The following FHIT variants were observed in gnomAD, a reference collection of about 807,000 sequenced individuals.
The protein encoded by FHIT is fragile histidine triad diadenosine triphosphatase.
FHIT carries 19 observed loss-of-function variants against 17.9 expected under a neutral mutation model. The ratio of observed to expected loss-of-function variants is 1.06; its 90% CI spans 0.74 to 1.56. The LOEUF is 1.56. Ranked by LOEUF, FHIT falls within the 40% of genes most tolerant of loss-of-function variation. The pLI is 0.00. For missense variants in FHIT, 248 were observed against 189.2 expected (o/e 1.31, Z -1.82); for synonymous variants, 81 against 69.7 (o/e 1.16, Z -0.81).
chr3:59,998,949 C>T (rs535242898), intron 7 of FHIT, among the ~76,000 whole-genome samples: 1 of 152,238 alleles, frequency 6.6e-6, no homozygotes, highest in East Asian at 1.9e-4. Flanking sequence ...ACACAACTTG[C>T]CTCCCTCCGG....
intron 8 of FHIT, among the ~76,000 whole-genome samples, chr3:59,848,442 A>C (rs574186584): frequency 6.6e-6 from 1 of 152,104 alleles, no homozygotes; most frequent in Non-Finnish European, 1.5e-5. Flanking sequence ...AAAAAGATTT[A>C]AAAAAATCAC....
rs374527757 is a variant in FHIT at position 60,926,897 on chromosome 3, C to A, written c.-110-104886G>T. Among the ~76,000 whole-genome samples, 23 of 152,236 alleles carry A rather than the reference C, an allele frequency of 1.5e-4. No individual in the cohort carries two copies. In the South Asian group the frequency reaches 4.2e-3, roughly 27 times the overall value. On this transcript the variant is annotated intron_variant, in intron 3 of 9. Transcript: ENST00000492590. ...TATCACCACTGATCCCACAGAAATA[C>A]AAACTACCATCACAGAATACTAAAA... is the stretch of plus-strand genomic sequence containing the variant.
At chr3:60,860,316 A>G (rs947386910) in intron 3 of FHIT, among the ~76,000 whole-genome samples, 56 of 147,586 alleles carry the variant, frequency 3.8e-4, no homozygotes, top group African/African-American at 1.3e-3. Flanking sequence ...TGTATACATG[A>G]GATACATCAT....
At chr3:60,724,896 G>A (rs782798523) in intron 4 of FHIT, among the ~76,000 whole-genome samples, 31 of 151,988 alleles carry the variant, frequency 2.0e-4, no homozygotes, top group Non-Finnish European at 3.8e-4. Flanking sequence ...TGATCTTCCC[G>A]CCTCAGCCTC....
chr3:60,726,493 C>T (rs1278085467), intron 4 of FHIT, among the ~76,000 whole-genome samples: 1 of 151,978 alleles, frequency 6.6e-6, no homozygotes, highest in Non-Finnish European at 1.5e-5. Context: ...GAGTGTTTTC[C>T]CAGATGGGTA....
chr3:60,452,138 A>G (rs1394952007), intron 5 of FHIT, among the ~76,000 whole-genome samples: 1 of 152,188 alleles, frequency 6.6e-6, no homozygotes, highest in Non-Finnish European at 1.5e-5. Flanking sequence ...TACTGTAACC[A>G]CATATCTTCA....
Position 60,024,863 on chromosome 3 carries a change from C to T in FHIT, c.104-10711G>A, listed in dbSNP as rs73089963. Among the ~76,000 whole-genome samples, 1,065 of 152,266 alleles carry T rather than the reference C, an allele frequency of 7.0e-3. 12 individuals carry two copies. Among genetic ancestry groups the T allele is most frequent in the African/African-American group, 0.021 (871 of 41,562 alleles). On this transcript the variant is annotated intron_variant, in intron 5 of 9. Transcript: ENST00000492590. The stretch of plus-strand genomic sequence containing the variant: ...GCATGGAGAAGCCACTGAAGCATTT[C>T]GGAGAGTGGAGATGTATGACAGATT...
chr3:60,269,658 G>GA (rs1706764967), intron 5 of FHIT, among the ~76,000 whole-genome samples: 1 of 152,210 alleles, frequency 6.6e-6, no homozygotes, highest in Admixed American at 6.5e-5. Flanking sequence ...CATTTGCTAA[G>GA]CATTTAAAAT....
intron 4 of FHIT, among the ~76,000 whole-genome samples, chr3:60,758,771 AAATGCCTACTCTCTTGGAGCTTACAT>A (rs1179060572): frequency 6.6e-6 from 1 of 152,020 alleles, no homozygotes; most frequent in Non-Finnish European, 1.5e-5. Context: ...GACCAAAACA[AAATGCCTACTCTCTTGGAGCTTACAT>A]TCTGGGGGAG....
chr3:60,318,988 T>A (rs1214544622), intron 5 of FHIT, among the ~76,000 whole-genome samples: 2 of 152,128 alleles, frequency 1.3e-5, no homozygotes, highest in Non-Finnish European at 2.9e-5. Flanking sequence ...GCCTCTGTTG[T>A]CACATGGCCT....
Position 60,150,868 on chromosome 3 carries a change from G to A in FHIT, c.104-136716C>T, listed in dbSNP as rs373941794. On this transcript the variant is annotated intron_variant, in intron 5 of 9. Coordinates refer to ENST00000492590, the MANE Select transcript of FHIT (RefSeq NM_002012.4). ...CAGGAGGCAGAGGTTGCAGTGAGCC[G>A]AGATTGTGCCACTGCACTACAGCCT... Among the ~76,000 whole-genome samples, 26 of 151,482 alleles carry A rather than the reference G, an allele frequency of 1.7e-4. No individual in the cohort carries two copies. The East Asian group carries it at 2.9e-3, about 17-fold the overall frequency.
At chr3:60,486,154 T>C (rs1283974780) in intron 5 of FHIT, among the ~76,000 whole-genome samples, 1 of 152,092 alleles carries the variant, frequency 6.6e-6, no homozygotes, top group Admixed American at 6.6e-5. Flanking sequence ...ATTTCCTCAA[T>C]TTGATAGAGG....
intron 5 of FHIT, among the ~76,000 whole-genome samples, chr3:60,043,811 G>A (rs1264772008): frequency 2.6e-5 from 4 of 152,060 alleles, no homozygotes; most frequent in African/African-American, 9.7e-5. Flanking sequence ...AAAAAAGTCC[G>A]ACCCAGCTGA....
At chr3:60,087,964 A>T (rs964764687) in intron 5 of FHIT, among the ~76,000 whole-genome samples, 18 of 152,300 alleles carry the variant, frequency 1.2e-4, no homozygotes, top group African/African-American at 4.3e-4. Context: ...ATTTATAAAT[A>T]AAAGGATTTA....
intron 5 of FHIT, among the ~76,000 whole-genome samples, chr3:60,162,819 G>C (rs1700998924): frequency 6.6e-6 from 1 of 152,048 alleles, no homozygotes; most frequent in South Asian, 2.1e-4. Flanking sequence ...ATTCCCCTAT[G>C]GCTTCCCTGG....
intron 2 of FHIT, among the ~76,000 whole-genome samples, chr3:61,175,256 G>A (rs1028532779): frequency 1.3e-5 from 2 of 152,086 alleles, no homozygotes; most frequent in African/African-American, 4.8e-5. Context: ...ATTTAAACCT[G>A]TATTCTCTCC....
chr3:59,986,738 ACATATATTT>A (rs1559524354), intron 7 of FHIT, among the ~76,000 whole-genome samples: 345 of 1,846 alleles, frequency 0.19, 137 homozygotes, highest in Admixed American at 0.4. Context: ...ATAAATATAT[ACATATATTT>A]ATATATATAT....
At chr3:60,751,885 G>A (rs1553716935) in intron 4 of FHIT, among the ~76,000 whole-genome samples, 1 of 152,070 alleles carries the variant, frequency 6.6e-6, no homozygotes, top group African/African-American at 2.4e-5. Context: ...ATCAAAAGGG[G>A]ATAGGCTAAG....
intron 3 of FHIT, among the ~76,000 whole-genome samples, chr3:60,969,710 C>T (rs886895234): frequency 6.6e-6 from 1 of 152,036 alleles, no homozygotes; most frequent in Non-Finnish European, 1.5e-5. Flanking sequence ...GGTTTAAAGC[C>T]TTTGACATTT....
Sources: allele counts gnomAD v4.1 joint callset (sites outside exome capture counted in the v4.1 genomes callset), GRCh38; gene constraint gnomAD v4.1.1; transcripts MANE v1.5; gene names NCBI Gene and HGNC (gene_info 2026-07-23, HGNC 2026-07-21).